PARD3B: variants seen among roughly 807,000 people sequenced by gnomAD.
The protein encoded by PARD3B is partitioning defective 3 homolog B.
In PARD3B, 103 loss-of-function variants were observed where a neutral mutation model predicts 130.2. The ratio of observed to expected loss-of-function variants is 0.79; its 90% confidence interval spans 0.67 to 0.93. The LOEUF is 0.93. Ranked by LOEUF, PARD3B falls within the 40% of genes least tolerant of loss-of-function variation. PARD3B has a pLI of 0.00. For synonymous variants in PARD3B, 583 were observed against 553.2 expected (o/e 1.05, Z -0.76); for missense variants, 1,609 against 1,499.2 (o/e 1.07, Z -1.21).
intron 21 of PARD3B, among the ~76,000 whole-genome samples, chr2:205,502,353 C>G (rs905384608): frequency 1.3e-5 from 2 of 152,100 alleles, no homozygotes; most frequent in African/African-American, 4.8e-5. Flanking sequence ...AGGGCACTAG[C>G]TAAAATCAGA....
At chr2:204,945,354 A>G (rs1474502671) in intron 2 of PARD3B, among the ~76,000 whole-genome samples, 4 of 152,222 alleles carry the variant, frequency 2.6e-5, no homozygotes, top group African/African-American at 7.2e-5. Flanking sequence ...GCATACTTGT[A>G]TAAGTCAGAT....
chr2:205,287,792 A>G lies in PARD3B; in HGVS notation c.2186-12738A>G, dbSNP rs914821991. Among the ~76,000 whole-genome samples the G allele has an allele frequency of 4.6e-5, 7 of 152,178 alleles. No homozygotes were observed. The highest frequency in any genetic ancestry group is 1.4e-4 in the African/African-American group (6 of 41,444). The stretch of plus-strand genomic sequence containing the variant: ...TTCTCTGTGCGCTTCTCTGAGGTAG[A>G]GTAAAGCAAGTGTTTCCATGTACCC... On this transcript the variant is annotated intron_variant, in intron 16 of 22. Transcript: ENST00000406610. The surrounding 1 kb of genome is among the most constrained non-coding windows in gnomAD (Gnocchi z 4.8).
At chr2:205,529,639 T>C (rs2051496880) in intron 21 of PARD3B, among the ~76,000 whole-genome samples, 1 of 152,230 alleles carries the variant, frequency 6.6e-6, no homozygotes, top group Non-Finnish European at 1.5e-5. Flanking sequence ...TCACTTTCTT[T>C]ACTGACACGG....
intron 21 of PARD3B, among the ~76,000 whole-genome samples, chr2:205,534,387 G>C (rs556287763): frequency 7.0e-4 from 106 of 152,284 alleles, no homozygotes; most frequent in African/African-American, 2.5e-3. Flanking sequence ...GAGGAGCAGA[G>C]AGGAGAGTGA....
At chr2:205,377,425 A>T (rs542287178) in intron 18 of PARD3B, among the ~76,000 whole-genome samples, 4 of 152,274 alleles carry the variant, frequency 2.6e-5, no homozygotes, top group African/African-American at 9.6e-5. Context: ...AACACCAGTA[A>T]GGGGTTTAAC....
chr2:205,091,637 G>A lies in PARD3B; in HGVS notation c.505-12789G>A, dbSNP rs1702117754. Among the ~76,000 whole-genome samples the A allele has an allele frequency of 6.6e-6, 1 of 152,138 alleles. No individual in the cohort carries two copies. The highest frequency in any genetic ancestry group is 1.5e-5 in the Non-Finnish European group (1 of 68,024). The stretch of plus-strand genomic sequence containing the variant: ...CTGTCAAAGATATGGGCTTGGATTA[G>A]CAGCTACATATCAGTTCTTATCTTA... On this transcript the variant is annotated intron_variant, in intron 4 of 22. Coordinates refer to ENST00000406610, the MANE Select transcript of PARD3B (RefSeq NM_001302769.2). The surrounding 1 kb of genome is among the most constrained non-coding windows in gnomAD (Gnocchi z 4.2).
intron 20 of PARD3B, among the ~76,000 whole-genome samples, chr2:205,495,792 T>C (rs1022631666): frequency 2.0e-5 from 3 of 152,194 alleles, no homozygotes; most frequent in African/African-American, 7.2e-5. Context: ...GTCTTTGAAA[T>C]GAGAAAACAC....
At chr2:205,154,794 G>A (rs1420407065) in intron 10 of PARD3B, among the ~76,000 whole-genome samples, 1 of 152,128 alleles carries the variant, frequency 6.6e-6, no homozygotes, top group African/African-American at 2.4e-5. Context: ...ACTATCGCAA[G>A]GACAGAAAAC....
At chr2:204,690,852 A>G (rs1402110286) in intron 2 of PARD3B, among the ~76,000 whole-genome samples, 2 of 152,178 alleles carry the variant, frequency 1.3e-5, no homozygotes, top group Non-Finnish European at 2.9e-5. Context: ...GAGATCCTGC[A>G]GGATGAGATA....
intron 11 of PARD3B, among the ~76,000 whole-genome samples, chr2:205,167,255 C>T (rs1393779939): frequency 6.6e-6 from 1 of 152,130 alleles, no homozygotes; most frequent in African/African-American, 2.4e-5. Flanking sequence ...CCCCAGCAAT[C>T]ATAAATAAGC....
chr2:204,894,365 A>G (rs979812571), intron 2 of PARD3B, among the ~76,000 whole-genome samples: 1 of 152,128 alleles, frequency 6.6e-6, no homozygotes, highest in Admixed American at 6.5e-5. Flanking sequence ...ACTATAAACC[A>G]GGGCTGGAAT....
rs1042645208 is a variant in PARD3B at position 205,011,172 on chromosome 2, A to G, written c.395-36409A>G. ...CGTGTATTGATTATCTGCAGATTATATATAACTTAGCAGCTTAAAATGACA... is the reference window on the plus strand; with the variant it reads ...CGTGTATTGATTATCTGCAGATTATGTATAACTTAGCAGCTTAAAATGACA... On this transcript the variant is annotated intron_variant, in intron 3 of 22. Coordinates refer to ENST00000406610, the MANE Select transcript of PARD3B (RefSeq NM_001302769.2). The surrounding 1 kb of genome is among the most constrained non-coding windows in gnomAD (Gnocchi z 4.1). Among the ~76,000 whole-genome samples, 2 of 152,222 alleles carry G rather than the reference A, an allele frequency of 1.3e-5. No individual in the cohort carries two copies. Among genetic ancestry groups the G allele is most frequent in the Non-Finnish European group, 2.9e-5 (2 of 68,036 alleles).
At chr2:205,069,591 A>G (rs1510773) in intron 4 of PARD3B, among the ~76,000 whole-genome samples, 68,672 of 151,710 alleles carry the variant, frequency 0.45, 16,101 homozygotes, top group South Asian at 0.57. Context: ...TTCATAACAC[A>G]GAAATTTGAA....
At chr2:205,452,962 G>A (rs536592015) in intron 20 of PARD3B, among the ~76,000 whole-genome samples, 32 of 152,284 alleles carry the variant, frequency 2.1e-4, no homozygotes, top group Middle Eastern at 3.4e-3. Flanking sequence ...AGCATTGACC[G>A]GGATGCTTTT....
intron 2 of PARD3B, among the ~76,000 whole-genome samples, chr2:204,957,038 A>G (rs1690300542): frequency 6.6e-6 from 1 of 152,138 alleles, no homozygotes; most frequent in African/African-American, 2.4e-5. Flanking sequence ...CCCTTTGTGT[A>G]TTAGATGTGA....
chr2:205,277,001 T>C (rs2040974907), intron 16 of PARD3B, among the ~76,000 whole-genome samples: 2 of 152,318 alleles, frequency 1.3e-5, no homozygotes, highest in South Asian at 4.1e-4. Flanking sequence ...TGCTAGTTGT[T>C]ATGTTTGAGT....
chr2:205,289,664 G>A (rs988505747), intron 16 of PARD3B, among the ~76,000 whole-genome samples: 1 of 151,946 alleles, frequency 6.6e-6, no homozygotes, highest in African/African-American at 2.4e-5. Context: ...GGGACCTTTG[G>A]GAGATGACTG....
rs552267561 is a variant in PARD3B, at chr2:205,288,680, A to C, written c.2186-11850A>C. Among the ~76,000 whole-genome samples, 15 of 151,746 alleles carry C rather than the reference A, an allele frequency of 9.9e-5. No individual in the cohort carries two copies. In the South Asian group the frequency reaches 2.9e-3, roughly 30 times the overall value. ...ATTGTTTTTTGTTACTAGTCACTCC[A>C]TCCTCCCGGTGTCCCCACCCCCCAG... is the stretch of plus-strand genomic sequence containing the variant. On this transcript the variant is annotated intron_variant, in intron 16 of 22. Transcript: ENST00000406610. The surrounding 1 kb of genome is among the most constrained non-coding windows in gnomAD (Gnocchi z 4.0).
At position 205,067,095 on chromosome 2, in the gene PARD3B, C is replaced by CTTTTTTTTTTTTTTTTTTTTTT. The variant is rs10672449; in HGVS notation, c.504+19413_504+19434dup. 6.2e-4 allele frequency among the ~76,000 whole-genome samples: 37 copies of CTTTTTTTTTTTTTTTTTTTTTT among 59,710 alleles called. 6 individuals carry two copies. The highest frequency in any genetic ancestry group is 7.8e-4 in the Non-Finnish European group (25 of 32,122). 39.2% of individuals were successfully genotyped at this position (59,710 alleles called of 152,430 possible). On this transcript the variant is annotated intron_variant, in intron 4 of 22. Coordinates refer to ENST00000406610, the MANE Select transcript of PARD3B (RefSeq NM_001302769.2). Reference sequence around the variant, plus strand: ...GCATCTTGCATCCACTTTTACTAGGCTTTTTTTTTTTTTTTTTTTTTTTTT... The same window carrying CTTTTTTTTTTTTTTTTTTTTTT: ...GCATCTTGCATCCACTTTTACTAGGCTTTTTTTTTTTTTTTTTTTTTTTTTTTTTTTTTTTTTTTTTTTTTTT...
Sources: allele counts gnomAD v4.1 joint callset (sites outside exome capture counted in the v4.1 genomes callset), GRCh38; gene constraint gnomAD v4.1.1; non-coding constraint Gnocchi (gnomAD v3.1); transcripts MANE v1.5; gene names NCBI Gene and HGNC (gene_info 2026-07-23, HGNC 2026-07-21).